The following GABRB2 variants were observed in gnomAD, a reference collection of about 807,000 sequenced individuals.
GABRB2 encodes gamma-aminobutyric acid receptor subunit beta-2.
In GABRB2, 16 loss-of-function variants were observed where a neutral mutation model predicts 54.7. The observed-to-expected ratio is 0.29, with a 90% CI of 0.20 to 0.44. GABRB2 has a LOEUF of 0.44. Ranked by LOEUF, GABRB2 falls within the 20% of genes least tolerant of loss-of-function variation. GABRB2 has a pLI of 1.00. For missense variants in GABRB2, 355 were observed against 644.0 expected, an observed-to-expected ratio of 0.55 and a Z score of 4.86; for synonymous variants, 244 against 233.8, an observed-to-expected ratio of 1.04 and a Z score of -0.40.
At chr5:161,434,949 G>T (rs2113188446) in intron 4 of GABRB2, among the ~76,000 whole-genome samples, 1 of 152,274 alleles carries the variant, frequency 6.6e-6, no homozygotes, top group South Asian at 2.1e-4. Flanking sequence ...TGATGAACAA[G>T]CATGTCCCAT....
At chr5:161,463,576 T>TATATATATAG (rs1758190724) in intron 3 of GABRB2, among the ~76,000 whole-genome samples, 9 of 122,762 alleles carry the variant, frequency 7.3e-5, no homozygotes, top group Admixed American at 4.9e-4. Context: ...TATATATATA[T>TATATATATAG]ATATATATAT....
chr5:161,368,334 G>A (rs998535946), intron 5 of GABRB2, among the ~76,000 whole-genome samples: 1 of 152,146 alleles, frequency 6.6e-6, no homozygotes, highest in Non-Finnish European at 1.5e-5. Flanking sequence ...ATAGGCCAGA[G>A]ATTTGAGGAG....
chr5:161,350,136 T>A (rs1300357034), intron 5 of GABRB2, among the ~76,000 whole-genome samples: 1 of 152,100 alleles, frequency 6.6e-6, no homozygotes, highest in Non-Finnish European at 1.5e-5. Context: ...AAGCTTTTAC[T>A]CTAGATCAGG....
At chr5:161,443,466 C>T (rs532539602) in intron 4 of GABRB2, among the ~76,000 whole-genome samples, 6 of 152,092 alleles carry the variant, frequency 3.9e-5, no homozygotes, top group African/African-American at 1.4e-4. Flanking sequence ...GTCTAAGATG[C>T]GTGAGATTTT....
chr5:161,482,167 A>G (rs1416984143), intron 3 of GABRB2, among the ~76,000 whole-genome samples: 1 of 151,788 alleles, frequency 6.6e-6, no homozygotes, highest in Non-Finnish European at 1.5e-5. Flanking sequence ...ACATTAAAGT[A>G]CTCTCCAGGG....
intron 5 of GABRB2, among the ~76,000 whole-genome samples, chr5:161,365,006 T>C (rs909008484): frequency 2.0e-5 from 3 of 152,154 alleles, no homozygotes; most frequent in African/African-American, 7.2e-5. Flanking sequence ...TGATCACAAA[T>C]GTATGCTTTT....
intron 4 of GABRB2, among the ~76,000 whole-genome samples, chr5:161,415,575 C>T (rs948872990): frequency 1.3e-5 from 2 of 152,124 alleles, no homozygotes; most frequent in East Asian, 1.9e-4. Context: ...TTTATTGATG[C>T]TAACATAGTA....
At chr5:161,532,292 C>G (rs976196781) in intron 3 of GABRB2, among the ~76,000 whole-genome samples, 2 of 152,084 alleles carry the variant, frequency 1.3e-5, no homozygotes, top group African/African-American at 2.4e-5. Flanking sequence ...GTATTACCCA[C>G]TCAGTCAGTC....
intron 3 of GABRB2, among the ~76,000 whole-genome samples, chr5:161,496,663 A>G (rs1759258490): frequency 6.6e-6 from 1 of 152,070 alleles, no homozygotes; most frequent in South Asian, 2.1e-4. Flanking sequence ...ACTAAATGTG[A>G]TATTTTATTT....
intron 3 of GABRB2, among the ~76,000 whole-genome samples, chr5:161,463,375 A>C (rs1758172790): frequency 6.6e-6 from 1 of 150,428 alleles, no homozygotes; most frequent in African/African-American, 2.4e-5. Flanking sequence ...AAAGACCTCA[A>C]TAAACAGAGA....
chr5:161,463,551 T>TATATATATATA (rs1554102436), intron 3 of GABRB2, among the ~76,000 whole-genome samples: 1 of 30,258 alleles, frequency 3.3e-5, no homozygotes, highest in Non-Finnish European at 6.5e-5. Context: ...CCAAATATTT[T>TATATATATATA]TATTTATATA....
At chr5:161,385,483 AT>A (rs1051029673) in intron 5 of GABRB2, among the ~76,000 whole-genome samples, 3 of 152,116 alleles carry the variant, frequency 2.0e-5, no homozygotes, top group African/African-American at 7.2e-5. Context: ...GTACTTCAAG[AT>A]TTTTTTCTTT....
At chr5:161,437,384 A>T (rs1757342246) in intron 4 of GABRB2, among the ~76,000 whole-genome samples, 1 of 152,050 alleles carries the variant, frequency 6.6e-6, no homozygotes, top group African/African-American at 2.4e-5. Flanking sequence ...ACATATGTAG[A>T]CACATCCTGG....
chr5:161,377,128 G>T (rs1035247918), intron 5 of GABRB2, among the ~76,000 whole-genome samples: 2 of 152,120 alleles, frequency 1.3e-5, no homozygotes, highest in Middle Eastern at 3.4e-3. Context: ...GTCATAATTG[G>T]CAAGCTTTAA....
At chr5:161,419,509 A>G (rs1721778941) in intron 4 of GABRB2, among the ~76,000 whole-genome samples, 1 of 152,216 alleles carries the variant, frequency 6.6e-6, no homozygotes, top group Non-Finnish European at 1.5e-5. Context: ...AACTGCTCTT[A>G]TATGTTTATC....
At chr5:161,534,211 C>T (rs557286819) in intron 3 of GABRB2, among the ~76,000 whole-genome samples, 21 of 152,106 alleles carry the variant, frequency 1.4e-4, no homozygotes, top group Non-Finnish European at 2.5e-4. Context: ...TTGGTTTTCA[C>T]CATTTCAGGG....
intron 3 of GABRB2, among the ~76,000 whole-genome samples, chr5:161,467,333 C>T (rs1318187230): frequency 2.0e-5 from 3 of 152,004 alleles, no homozygotes; most frequent in African/African-American, 7.2e-5. Flanking sequence ...GTCTAATATA[C>T]CATCATTTGT....
At chr5:161,433,473 G>C (rs1217795446) in intron 4 of GABRB2, among the ~76,000 whole-genome samples, 2 of 151,662 alleles carry the variant, frequency 1.3e-5, no homozygotes, top group African/African-American at 4.8e-5. Context: ...AGTCGGGCAA[G>C]GTGGTGCTTG....
intron 3 of GABRB2, among the ~76,000 whole-genome samples, chr5:161,534,811 A>G (rs565301095): frequency 9.2e-5 from 14 of 152,310 alleles, no homozygotes; most frequent in African/African-American, 3.4e-4. Context: ...AACCCCAGAG[A>G]AGAAAAATAC....
Sources: allele counts gnomAD v4.1 joint callset (sites outside exome capture counted in the v4.1 genomes callset), GRCh38; gene constraint gnomAD v4.1.1; transcripts MANE v1.5; gene names NCBI Gene and HGNC (gene_info 2026-07-23, HGNC 2026-07-21).